Variants in CCSER1 observed in about 807,000 individuals in gnomAD.
CCSER1 encodes serine-rich coiled-coil domain-containing protein 1.
Under a neutral mutation model 82.0 loss-of-function variants are expected in CCSER1, and 41 were observed. The ratio of observed to expected loss-of-function variants is 0.50; its 90% CI spans 0.39 to 0.65. The LOEUF (loss-of-function observed/expected upper bound fraction) is 0.65. CCSER1 is among the 30% of genes least tolerant of loss of function. The pLI is 0.00. For missense variants in CCSER1, 1,119 were observed against 1,064.2 expected (o/e 1.05, Z -0.72); for synonymous variants, 414 against 383.9 (o/e 1.08, Z -0.92).
intron 7 of CCSER1, among the ~76,000 whole-genome samples, chr4:90,772,782 T>C (rs556111385): frequency 6.6e-6 from 1 of 152,314 alleles, no homozygotes; most frequent in African/African-American, 2.4e-5. Context: ...AATGATATTA[T>C]CTATTATGTG....
chr4:91,284,945 A>C (rs1002803362), intron 10 of CCSER1, among the ~76,000 whole-genome samples: 4 of 152,008 alleles, frequency 2.6e-5, no homozygotes, highest in African/African-American at 9.7e-5. Flanking sequence ...TGAACAAAAA[A>C]ATATGTACTT....
intron 8 of CCSER1, among the ~76,000 whole-genome samples, chr4:90,921,734 A>G (rs1728409661): frequency 1.3e-5 from 2 of 152,060 alleles, no homozygotes; most frequent in Non-Finnish European, 2.9e-5. Flanking sequence ...CCTGCTCTAT[A>G]CATGAGTGCA....
intron 10 of CCSER1, among the ~76,000 whole-genome samples, chr4:91,548,542 TA>T (rs1762000395): frequency 6.7e-6 from 1 of 148,820 alleles, no homozygotes; most frequent in Non-Finnish European, 1.5e-5. Context: ...TAGGTAAGTC[TA>T]ATGGCAACAA....
intron 8 of CCSER1, among the ~76,000 whole-genome samples, chr4:90,840,267 TG>T (rs1762421231): frequency 6.6e-6 from 1 of 152,142 alleles, no homozygotes. Context: ...GGAGAAAGGT[TG>T]TATCTTAATT....
chr4:91,094,920 A>G (rs1265522738), intron 10 of CCSER1, among the ~76,000 whole-genome samples: 1 of 152,174 alleles, frequency 6.6e-6, no homozygotes, highest in African/African-American at 2.4e-5. Flanking sequence ...TCTCTCCCTA[A>G]AAAGGCAAGG....
At chr4:90,312,171 G>A (rs532671787) in intron 2 of CCSER1, among the ~76,000 whole-genome samples, 1 of 152,174 alleles carries the variant, frequency 6.6e-6, no homozygotes, top group Non-Finnish European at 1.5e-5. Flanking sequence ...GCAAGGTTGT[G>A]AGTCAAAGGC....
intron 10 of CCSER1, among the ~76,000 whole-genome samples, chr4:91,381,784 G>A (rs1484278628): frequency 1.3e-5 from 2 of 152,212 alleles, no homozygotes; most frequent in Non-Finnish European, 2.9e-5. Flanking sequence ...CATTGCTGGT[G>A]AGGATCTGAG....
chr4:90,169,977 C>A (rs1731317998), intron 1 of CCSER1, among the ~76,000 whole-genome samples: 1 of 151,850 alleles, frequency 6.6e-6, no homozygotes, highest in Non-Finnish European at 1.5e-5. Context: ...TTCTATCTGT[C>A]CTTAGGTGTT....
chr4:90,439,739 C>T (rs543862100), intron 4 of CCSER1, among the ~76,000 whole-genome samples: 1 of 152,282 alleles, frequency 6.6e-6, no homozygotes, highest in Non-Finnish European at 1.5e-5. Flanking sequence ...CTAATCCTTT[C>T]TTTGCTTGCT....
At chr4:90,575,590 C>T (rs1310415375) in intron 5 of CCSER1, among the ~76,000 whole-genome samples, 1 of 152,158 alleles carries the variant, frequency 6.6e-6, no homozygotes, top group Non-Finnish European at 1.5e-5. Context: ...GTAATAAATA[C>T]CTGAACCAAA....
At chr4:90,164,425 A>G (rs531456335) in intron 1 of CCSER1, among the ~76,000 whole-genome samples, 1 of 152,112 alleles carries the variant, frequency 6.6e-6, no homozygotes, top group South Asian at 2.1e-4. Context: ...TTTTTCTTTA[A>G]CTGCTGTTGG....
intron 10 of CCSER1, among the ~76,000 whole-genome samples, chr4:91,267,659 G>A (rs1479064387): frequency 6.6e-6 from 1 of 152,108 alleles, no homozygotes; most frequent in African/African-American, 2.4e-5. Flanking sequence ...TTTTAGATAA[G>A]TGTCTTTTGG....
At chr4:90,879,761 T>A (rs1721013939) in intron 8 of CCSER1, among the ~76,000 whole-genome samples, 1 of 152,158 alleles carries the variant, frequency 6.6e-6, no homozygotes, top group Non-Finnish European at 1.5e-5. Context: ...GGAGGACATA[T>A]ACCACTCTAG....
intron 3 of CCSER1, among the ~76,000 whole-genome samples, chr4:90,329,273 G>T (rs1394440768): frequency 6.6e-6 from 1 of 152,082 alleles, no homozygotes; most frequent in Non-Finnish European, 1.5e-5. Context: ...AATGTTACCT[G>T]TTTCAGAAGA....
At chr4:90,158,235 A>G (rs900647744) in intron 1 of CCSER1, among the ~76,000 whole-genome samples, 1 of 152,060 alleles carries the variant, frequency 6.6e-6, no homozygotes, top group Admixed American at 6.5e-5. Flanking sequence ...TTCCTCTGGA[A>G]GTTTTGTCTC....
intron 5 of CCSER1, among the ~76,000 whole-genome samples, chr4:90,537,458 C>A (rs142226571): frequency 6.6e-6 from 1 of 151,890 alleles, no homozygotes; most frequent in African/African-American, 2.4e-5. Flanking sequence ...TCTTCTATTT[C>A]TTTCCTGAGG....
chr4:91,113,919 C>T (rs1027520468), intron 10 of CCSER1, among the ~76,000 whole-genome samples: 3 of 151,134 alleles, frequency 2.0e-5, no homozygotes, highest in African/African-American at 7.3e-5. Context: ...GTGGCGCGAT[C>T]TCGGCTCACT....
At chr4:91,121,916 G>T (rs10011448) in intron 10 of CCSER1, among the ~76,000 whole-genome samples, 23,354 of 151,392 alleles carry the variant, frequency 0.15, 2,103 homozygotes, top group African/African-American at 0.22. Flanking sequence ...GATGTCAAAA[G>T]AAATTAAGTA....
intron 7 of CCSER1, among the ~76,000 whole-genome samples, chr4:90,769,669 G>A (rs970952626): frequency 3.3e-5 from 5 of 152,202 alleles, no homozygotes; most frequent in African/African-American, 1.2e-4. Context: ...GTTTTCAGAC[G>A]AAGAGGGATT....
Sources: gnomAD v4.1 joint callset for allele counts (sites outside exome capture counted in the v4.1 genomes callset) on GRCh38, gnomAD v4.1.1 for gene constraint, MANE v1.5 for transcripts, NCBI Gene and HGNC (gene_info 2026-07-23, HGNC 2026-07-21) for gene names.